The following DPYD variants were observed in gnomAD, a reference collection of about 807,000 sequenced individuals.
The protein encoded by DPYD is dihydropyrimidine dehydrogenase [NADP(+)].
In DPYD, 109 loss-of-function variants were observed where a neutral mutation model predicts 116.2. That is an observed-to-expected ratio of 0.94 (90% CI 0.80 to 1.10). The LOEUF (loss-of-function observed/expected upper bound fraction) is 1.10, where lower values mean the gene tolerates loss of function less well. Ranked by LOEUF, DPYD falls within the 50% of genes least tolerant of loss-of-function variation. The pLI is 0.00. For missense variants in DPYD, 1,302 were observed against 1,254.5 expected (o/e 1.04, Z -0.57); for synonymous variants, 440 against 432.0 (o/e 1.02, Z -0.23).
chr1:97,531,334 T>C (rs574927099), intron 12 of DPYD, among the ~76,000 whole-genome samples: 1 of 152,334 alleles, frequency 6.6e-6, no homozygotes, highest in Non-Finnish European at 1.5e-5. Flanking sequence ...ATTTTGCATG[T>C]ACATAGCCAC....
chr1:97,304,944 T>C (rs774212648), intron 18 of DPYD, among the ~76,000 whole-genome samples: 1 of 151,820 alleles, frequency 6.6e-6, no homozygotes, highest in African/African-American at 2.4e-5. Context: ...TACTTATATT[T>C]TTCTCTCAGA....
chr1:97,650,870 G>A (rs1375687131), intron 8 of DPYD, among the ~76,000 whole-genome samples: 1 of 151,490 alleles, frequency 6.6e-6, no homozygotes, highest in Non-Finnish European at 1.5e-5. Context: ...ACACACACAG[G>A]AGAGCTTAAA....
chr1:97,189,644 T>C (rs1468743977), intron 20 of DPYD, among the ~76,000 whole-genome samples: 4 of 152,188 alleles, frequency 2.6e-5, no homozygotes, highest in African/African-American at 9.6e-5. Flanking sequence ...ACTCTATAGA[T>C]GAATTTCTGG....
intron 8 of DPYD, among the ~76,000 whole-genome samples, chr1:97,653,779 T>C (rs924003945): frequency 1.3e-5 from 2 of 152,192 alleles, no homozygotes; most frequent in African/African-American, 4.8e-5. Flanking sequence ...TTGTACTAAG[T>C]GTTAAATGAG....
chr1:97,359,476 T>C (rs1228516784), intron 16 of DPYD, among the ~76,000 whole-genome samples: 2 of 152,150 alleles, frequency 1.3e-5, no homozygotes, highest in Non-Finnish European at 2.9e-5. Context: ...AAGATACTCC[T>C]TGAGAAGAGC....
At chr1:97,579,782 G>C (rs918552321) in intron 10 of DPYD, among the ~76,000 whole-genome samples, 1 of 152,050 alleles carries the variant, frequency 6.6e-6, no homozygotes, top group South Asian at 2.1e-4. Flanking sequence ...TCTTTTCCTA[G>C]TCTCCACCAA....
chr1:97,852,019 T>G (rs1197462107), intron 2 of DPYD, among the ~76,000 whole-genome samples: 15 of 144,248 alleles, frequency 1.0e-4, no homozygotes, highest in Admixed American at 9.0e-4. Context: ...GACTGTGCAA[T>G]TTACAAAAAA....
intron 20 of DPYD, among the ~76,000 whole-genome samples, chr1:97,110,934 G>T (rs1651546579): frequency 6.6e-6 from 1 of 152,006 alleles, no homozygotes; most frequent in Admixed American, 6.6e-5. Flanking sequence ...TTCATAGGCT[G>T]AGGCGGGAGG....
intron 20 of DPYD, among the ~76,000 whole-genome samples, chr1:97,112,021 A>G (rs1651634916): frequency 6.6e-6 from 1 of 152,128 alleles, no homozygotes; most frequent in South Asian, 2.1e-4. Context: ...TAGGCACTTA[A>G]TAGGCCTCTT....
chr1:97,887,559 A>G (rs1672568118), intron 1 of DPYD, among the ~76,000 whole-genome samples: 1 of 150,902 alleles, frequency 6.6e-6, no homozygotes, highest in Admixed American at 6.6e-5. Context: ...CGGCAAGAAT[A>G]GCTACATTAT....
chr1:97,236,020 G>C (rs531635196), intron 18 of DPYD, among the ~76,000 whole-genome samples: 1 of 152,204 alleles, frequency 6.6e-6, no homozygotes, highest in South Asian at 2.1e-4. Flanking sequence ...ATACTTTGGG[G>C]CTATTTTAAA....
chr1:97,383,840 G>T (rs1345965301), intron 14 of DPYD, among the ~76,000 whole-genome samples: 2 of 152,166 alleles, frequency 1.3e-5, no homozygotes, highest in African/African-American at 4.8e-5. Context: ...GGGTGCAGTA[G>T]CTCACGCCTG....
chr1:97,662,017 C>A (rs910056284), intron 8 of DPYD, among the ~76,000 whole-genome samples: 25 of 91,772 alleles, frequency 2.7e-4, no homozygotes, highest in South Asian at 3.6e-4. Flanking sequence ...TTTTTTTTTA[C>A]GGAGTCTCGC....
At position 97,133,038 on chromosome 1, in the gene DPYD, T is replaced by C. The variant is rs576310695; in HGVS notation, c.2623-34406A>G. On this transcript the variant is annotated intron_variant, in intron 20 of 22. Transcript: ENST00000370192. ...AGTAAGGCCTTAGTTTTCCTTTCAA[T>C]TTTTTAAAAAACTAGTTAGCTTGAA... Among the ~76,000 whole-genome samples the C allele has an allele frequency of 8.5e-5, 13 of 152,206 alleles. 1 individual carries two copies. The South Asian group carries it at 2.7e-3, about 32-fold the overall frequency.
chr1:97,564,161 G>A (rs1169316878), intron 11 of DPYD, among the ~76,000 whole-genome samples: 1 of 151,956 alleles, frequency 6.6e-6, no homozygotes, highest in Non-Finnish European at 1.5e-5. Context: ...TTATTATTCA[G>A]GCATTTTAAA....
intron 12 of DPYD, among the ~76,000 whole-genome samples, chr1:97,544,183 T>C (rs1001754118): frequency 2.8e-4 from 42 of 152,212 alleles, no homozygotes; most frequent in African/African-American, 9.1e-4. Context: ...GTGGAGGCAA[T>C]TTCAAGAGAG....
At chr1:97,129,254 C>T (rs1014165141) in intron 20 of DPYD, among the ~76,000 whole-genome samples, 8 of 151,784 alleles carry the variant, frequency 5.3e-5, no homozygotes, top group African/African-American at 1.9e-4. Flanking sequence ...TTAGTATAGA[C>T]AGGGTTTCAC....
intron 2 of DPYD, among the ~76,000 whole-genome samples, chr1:97,853,134 A>G (rs1056999506): frequency 6.6e-6 from 1 of 152,154 alleles, no homozygotes. Flanking sequence ...CCTGCACTAA[A>G]CATTATGAGG....
At chr1:97,545,615 G>T (rs1650781897) in intron 12 of DPYD, 2 of 566,246 alleles carry the variant, frequency 3.5e-6, no homozygotes, top group South Asian at 5.4e-5. Flanking sequence ...TGGACTGCTG[G>T]ATTATGCAAG....
Sources: gnomAD v4.1 joint callset for allele counts (sites outside exome capture counted in the v4.1 genomes callset) on GRCh38, gnomAD v4.1.1 for gene constraint, MANE v1.5 for transcripts, NCBI Gene and HGNC (gene_info 2026-07-23, HGNC 2026-07-21) for gene names.